NALF1: variants seen among roughly 807,000 people sequenced by gnomAD.
NALF1 encodes the protein family with sequence similarity 155 member A.
NALF1 carries 3 observed loss-of-function variants against 48.4 expected under a neutral mutation model. The ratio of observed to expected loss-of-function variants is 0.06; its 90% CI spans 0.03 to 0.16. The LOEUF (loss-of-function observed/expected upper bound fraction) is 0.16. Among genes scored for constraint, NALF1 ranks in the 10% least tolerant of loss-of-function variants. The pLI, the probability that NALF1 is intolerant of heterozygous loss-of-function variation, is 1.00. For synonymous variants in NALF1, 262 were observed against 245.7 expected (o/e 1.07, Z -0.62); for missense variants, 526 against 571.5 (o/e 0.92, Z 0.81).
At chr13:107,312,713 A>G (rs1882071416) in intron 1 of NALF1, among the ~76,000 whole-genome samples, 1 of 152,210 alleles carries the variant, frequency 6.6e-6, no homozygotes, top group Non-Finnish European at 1.5e-5. Flanking sequence ...TGTAATCACA[A>G]CACATGAAGA....
intron 1 of NALF1, among the ~76,000 whole-genome samples, chr13:107,428,943 C>T (rs1313182061): frequency 6.6e-6 from 1 of 152,154 alleles, no homozygotes; most frequent in East Asian, 1.9e-4. Flanking sequence ...TTATTAGGTG[C>T]TTAATATGAA....
chr13:107,339,234 ATCT>A (rs563984548), intron 1 of NALF1, among the ~76,000 whole-genome samples: 106 of 151,548 alleles, frequency 7.0e-4, no homozygotes, highest in African/African-American at 2.5e-3. Context: ...AAAAACCTTT[ATCT>A]TCTTCTTATT....
chr13:107,611,605 T>C (rs547894520), intron 1 of NALF1, among the ~76,000 whole-genome samples: 2 of 152,120 alleles, frequency 1.3e-5, no homozygotes, highest in African/African-American at 4.8e-5. Flanking sequence ...ATGGGTTGAG[T>C]GCAGTGGCTC....
Position 107,825,160 on chromosome 13 carries a change from T to C in NALF1, c.915+40522A>G, listed in dbSNP as rs541206361. Among the ~76,000 whole-genome samples the C allele has an allele frequency of 1.7e-3, 253 of 152,328 alleles. 1 individual carries two copies. The highest frequency in any genetic ancestry group is 5.9e-3 in the African/African-American group (244 of 41,572). On this transcript the variant is annotated intron_variant, in intron 1 of 2. Transcript: ENST00000375915. Reference sequence around the variant, plus strand: ...AGTAAACAAAATTTGGAATGCGTTATAGTTACTAACAAGCTTTGGCTTTGT... The same window carrying C: ...AGTAAACAAAATTTGGAATGCGTTACAGTTACTAACAAGCTTTGGCTTTGT...
chr13:107,777,022 G>A (rs1877753357), intron 1 of NALF1, among the ~76,000 whole-genome samples: 1 of 152,112 alleles, frequency 6.6e-6, no homozygotes, highest in African/African-American at 2.4e-5. Context: ...TGCCCAGGAG[G>A]TTGAAGCTTC....
chr13:107,814,889 T>A (rs1172486898), intron 1 of NALF1, among the ~76,000 whole-genome samples: 2 of 152,060 alleles, frequency 1.3e-5, no homozygotes, highest in African/African-American at 4.8e-5. Context: ...TCTTCTCAAG[T>A]GCACATGGAA....
chr13:107,449,653 C>A (rs956110645), intron 1 of NALF1, among the ~76,000 whole-genome samples: 1 of 152,116 alleles, frequency 6.6e-6, no homozygotes, highest in Non-Finnish European at 1.5e-5. Context: ...AGACATCAAT[C>A]TGGCCTTGGA....
chr13:107,568,326 C>A (rs948032676), intron 1 of NALF1, among the ~76,000 whole-genome samples: 1 of 152,166 alleles, frequency 6.6e-6, no homozygotes, highest in Non-Finnish European at 1.5e-5. Context: ...TGTGGATATA[C>A]CACATGGTGT....
chr13:107,214,880 T>C (rs1246410720), intron 1 of NALF1, among the ~76,000 whole-genome samples: 1 of 152,200 alleles, frequency 6.6e-6, no homozygotes, highest in East Asian at 1.9e-4. Flanking sequence ...TTGAGACTTG[T>C]TTGGGAAATG....
At chr13:107,421,830 A>G (rs928941409) in intron 1 of NALF1, among the ~76,000 whole-genome samples, 1 of 152,190 alleles carries the variant, frequency 6.6e-6, no homozygotes, top group Non-Finnish European at 1.5e-5. Flanking sequence ...ATGTTCCAGG[A>G]TGGCATAAAA....
intron 1 of NALF1, among the ~76,000 whole-genome samples, chr13:107,508,665 G>T (rs1449780633): frequency 6.6e-6 from 1 of 151,904 alleles, no homozygotes; most frequent in African/African-American, 2.4e-5. Context: ...TTCTTGAGCA[G>T]TTTGCTAAAA....
intron 1 of NALF1, among the ~76,000 whole-genome samples, chr13:107,294,987 T>TC (rs1881697622): frequency 6.6e-6 from 1 of 151,734 alleles, no homozygotes; most frequent in Admixed American, 6.6e-5. Context: ...CTGAATTTCT[T>TC]TTTTTTTCTT....
intron 1 of NALF1, among the ~76,000 whole-genome samples, chr13:107,254,495 C>T (rs1399551535): frequency 6.6e-6 from 1 of 152,170 alleles, no homozygotes; most frequent in Non-Finnish European, 1.5e-5. Flanking sequence ...GTTTCCGACA[C>T]CATAGTCCAC....
chr13:107,384,818 CAT>C (rs1480024573), intron 1 of NALF1, among the ~76,000 whole-genome samples: 5 of 152,190 alleles, frequency 3.3e-5, no homozygotes, highest in African/African-American at 7.2e-5. Context: ...AAACCAAACA[CAT>C]GTGTTACAGA....
At chr13:107,412,793 T>G (rs188507410) in intron 1 of NALF1, among the ~76,000 whole-genome samples, 1 of 152,334 alleles carries the variant, frequency 6.6e-6, no homozygotes, top group Admixed American at 6.5e-5. Flanking sequence ...GGCACCGGTT[T>G]CAGCCCTATT....
At chr13:107,770,924 G>C (rs566606750) in intron 1 of NALF1, among the ~76,000 whole-genome samples, 1 of 152,196 alleles carries the variant, frequency 6.6e-6, no homozygotes, top group South Asian at 2.1e-4. Context: ...GGCCTAAATA[G>C]TCTTTGGCCT....
chr13:107,719,862 G>A (rs1026696933), intron 1 of NALF1, among the ~76,000 whole-genome samples: 6 of 152,150 alleles, frequency 3.9e-5, no homozygotes, highest in African/African-American at 1.2e-4. Context: ...TCCCCTTGCC[G>A]AACTTCATTG....
chr13:107,819,463 G>T (rs7987548), intron 1 of NALF1, among the ~76,000 whole-genome samples: 73,620 of 151,782 alleles, frequency 0.49, 20,389 homozygotes, highest in East Asian at 0.9. Context: ...TCTTAGGTGG[G>T]ACGCCCCATG....
chr13:107,346,828 AATT>A (rs770780132), intron 1 of NALF1, among the ~76,000 whole-genome samples: 1 of 152,230 alleles, frequency 6.6e-6, no homozygotes, highest in Non-Finnish European at 1.5e-5. Flanking sequence ...GGACAATCTA[AATT>A]ATTATCTTAT....
Sources: gnomAD v4.1 joint callset for allele counts (sites outside exome capture counted in the v4.1 genomes callset) on GRCh38, gnomAD v4.1.1 for gene constraint, MANE v1.5 for transcripts, NCBI Gene and HGNC (gene_info 2026-07-23, HGNC 2026-07-21) for gene names.